Variants in ARHGAP42 observed in about 807,000 individuals in gnomAD.
ARHGAP42 encodes the protein Rho GTPase activating protein 42.
Under a neutral mutation model 125.0 loss-of-function variants are expected in ARHGAP42, and 63 were observed. The ratio of observed to expected loss-of-function variants is 0.50; its 90% CI spans 0.41 to 0.62. The LOEUF is 0.62. Among genes scored for constraint, ARHGAP42 ranks in the 20% least tolerant of loss-of-function variants. The probability of loss-of-function intolerance (pLI) is 0.00; values close to 1 mark genes in which losing one functional copy is unlikely to be tolerated. For missense variants in ARHGAP42, 766 were observed against 1,024.2 expected, an observed-to-expected ratio of 0.75 and a Z score of 3.44; for synonymous variants, 339 against 351.0, an observed-to-expected ratio of 0.97 and a Z score of 0.38.
chr11:100,873,563 G>C (rs999707854), intron 4 of ARHGAP42, among the ~76,000 whole-genome samples: 2 of 152,024 alleles, frequency 1.3e-5, no homozygotes, highest in African/African-American at 2.4e-5. Flanking sequence ...AGCCAGCTGG[G>C]GTAGAATAAT....
At chr11:100,712,896 A>G (rs1045554900) in intron 1 of ARHGAP42, among the ~76,000 whole-genome samples, 33 of 152,098 alleles carry the variant, frequency 2.2e-4, no homozygotes, top group African/African-American at 8.0e-4. Flanking sequence ...CCTACCTCCA[A>G]TGTCTGGCTA....
chr11:100,748,437 T>G (rs1862358532), intron 1 of ARHGAP42, among the ~76,000 whole-genome samples: 1 of 152,242 alleles, frequency 6.6e-6, no homozygotes, highest in Non-Finnish European at 1.5e-5. Context: ...GTAATGAAGA[T>G]TTAGATCCCC....
chr11:100,817,634 C>T (rs1397491841), intron 3 of ARHGAP42, among the ~76,000 whole-genome samples: 3 of 152,160 alleles, frequency 2.0e-5, no homozygotes, highest in Non-Finnish European at 4.4e-5. Context: ...TGCTTAACAT[C>T]TCCGTATAAG....
chr11:100,722,393 C>CTTT (rs199744764), intron 1 of ARHGAP42, among the ~76,000 whole-genome samples: 1 of 135,174 alleles, frequency 7.4e-6, no homozygotes, highest in African/African-American at 2.7e-5. Flanking sequence ...AAATTTATTA[C>CTTT]TTTTTTTTTT....
At chr11:100,928,755 G>A (rs1050917033) in intron 6 of ARHGAP42, among the ~76,000 whole-genome samples, 1 of 151,314 alleles carries the variant, frequency 6.6e-6, no homozygotes, top group African/African-American at 2.4e-5. Flanking sequence ...ACATCCTTTA[G>A]GTATCATTCC....
intron 4 of ARHGAP42, among the ~76,000 whole-genome samples, chr11:100,899,722 G>GTTTTTTTTTTTTT (rs767815247): frequency 2.1e-4 from 14 of 67,176 alleles, no homozygotes; most frequent in Non-Finnish European, 3.2e-4. Flanking sequence ...TTTGTGTTTT[G>GTTTTTTTTTTTTT]TTTTTTTTTT....
intron 6 of ARHGAP42, among the ~76,000 whole-genome samples, chr11:100,921,817 A>G (rs1174064748): frequency 6.6e-6 from 1 of 152,146 alleles, no homozygotes; most frequent in Admixed American, 6.6e-5. Context: ...GAATACCGTT[A>G]TATGTTTGTC....
chr11:100,776,690 G>A (rs1297306999), intron 2 of ARHGAP42, among the ~76,000 whole-genome samples: 8 of 152,024 alleles, frequency 5.3e-5, no homozygotes, highest in Admixed American at 2.6e-4. Context: ...CTAATAGTTA[G>A]CATCGGCCGG....
chr11:100,864,371 GA>G (rs938769401), intron 4 of ARHGAP42, among the ~76,000 whole-genome samples: 12 of 151,920 alleles, frequency 7.9e-5, no homozygotes, highest in Non-Finnish European at 7.4e-5. Context: ...TTTTCGTAGA[GA>G]AAAGATTTCA....
At chr11:100,872,593 A>G (rs1188200003) in intron 4 of ARHGAP42, among the ~76,000 whole-genome samples, 1 of 152,060 alleles carries the variant, frequency 6.6e-6, no homozygotes, top group Non-Finnish European at 1.5e-5. Flanking sequence ...GGGTTTCACC[A>G]TGTTGGCCAG....
intron 4 of ARHGAP42, among the ~76,000 whole-genome samples, chr11:100,880,378 T>G (rs569020039): frequency 1.3e-5 from 2 of 152,352 alleles, no homozygotes; most frequent in South Asian, 4.1e-4. Context: ...CCTGAGTTAC[T>G]TCACTTAGAA....
At chr11:100,883,323 G>T (rs1428873670) in intron 4 of ARHGAP42, among the ~76,000 whole-genome samples, 1 of 151,960 alleles carries the variant, frequency 6.6e-6, no homozygotes, top group African/African-American at 2.4e-5. Context: ...GTATAAATGT[G>T]GTTTTGTTTC....
chr11:100,797,215 A>G (rs1024266793), intron 3 of ARHGAP42, among the ~76,000 whole-genome samples: 2 of 152,256 alleles, frequency 1.3e-5, no homozygotes, highest in African/African-American at 4.8e-5. Context: ...AAGTGCTGAT[A>G]TAGAAGCTGC....
intron 4 of ARHGAP42, among the ~76,000 whole-genome samples, chr11:100,883,040 A>G (rs1446226620): frequency 6.6e-6 from 1 of 152,144 alleles, no homozygotes; most frequent in Non-Finnish European, 1.5e-5. Context: ...CTTTTCAAAG[A>G]ATCAGCTTTT....
chr11:100,812,634 C>CT (rs1864173649), intron 3 of ARHGAP42, among the ~76,000 whole-genome samples: 1 of 152,172 alleles, frequency 6.6e-6, no homozygotes, highest in Non-Finnish European at 1.5e-5. Context: ...GTCAGTCTTA[C>CT]AACTCTCTTG....
chr11:100,949,111 A>T (rs892163909), intron 11 of ARHGAP42, among the ~76,000 whole-genome samples: 1 of 152,080 alleles, frequency 6.6e-6, no homozygotes, highest in Non-Finnish European at 1.5e-5. Flanking sequence ...CTTAAAGAAC[A>T]CTGTTACTAG....
intron 17 of ARHGAP42, 72 bp from the exon 18 acceptor site, chr11:100,973,103 T>C (rs1182316103): frequency 7.5e-7 from 1 of 1,337,956 alleles, no homozygotes; most frequent in East Asian, 2.6e-5. Context: ...GCACCACAAA[T>C]TTGATAGAAG....
intron 4 of ARHGAP42, among the ~76,000 whole-genome samples, chr11:100,905,131 A>G (rs1267948602): frequency 1.3e-5 from 2 of 152,158 alleles, no homozygotes; most frequent in African/African-American, 4.8e-5. Flanking sequence ...CTCTCTTGCT[A>G]TCCCATCTCC....
chr11:100,926,823 C>T (rs1867439475), intron 6 of ARHGAP42, among the ~76,000 whole-genome samples: 1 of 152,142 alleles, frequency 6.6e-6, no homozygotes, highest in African/African-American at 2.4e-5. Context: ...TTATGAATCC[C>T]TTTGTTAGTT....
Sources: gnomAD v4.1 joint callset for allele counts (sites outside exome capture counted in the v4.1 genomes callset) on GRCh38, gnomAD v4.1.1 for gene constraint, MANE v1.5 for transcripts, NCBI Gene and HGNC (gene_info 2026-07-23, HGNC 2026-07-21) for gene names.